Variants in SCRN1 observed in about 807,000 individuals in gnomAD.
SCRN1 encodes the protein secernin 1, also known as secernin-1.
SCRN1 carries 19 observed loss-of-function variants against 43.3 expected under a neutral mutation model. The ratio of observed to expected loss-of-function variants is 0.44; its 90% CI spans 0.31 to 0.64. The LOEUF is 0.64. SCRN1 is among the 30% of genes least tolerant of loss of function. The pLI, the probability that SCRN1 is intolerant of heterozygous loss-of-function variation, is 0.09. For synonymous variants in SCRN1, 183 were observed against 188.9 expected, an observed-to-expected ratio of 0.97 and a Z score of 0.26; for missense variants, 447 against 524.1, an observed-to-expected ratio of 0.85 and a Z score of 1.44.
At chr7:29,938,946 C>T (rs142491476) in intron 5 of SCRN1, among the ~76,000 whole-genome samples, 194 of 152,206 alleles carry the variant, frequency 1.3e-3, no homozygotes, top group African/African-American at 4.6e-3. Flanking sequence ...TATTAAACAG[C>T]GTATTTGTTC....
Position 29,966,159 on chromosome 7 carries a change from C to CAGAGAGAGAGAGAGAGAGAGAGAGAGAG in SCRN1, c.159+2722_159+2749dup, listed in dbSNP as rs58247318. Among the ~76,000 whole-genome samples, 17 of 84,456 alleles carry CAGAGAGAGAGAGAGAGAGAGAGAGAGAG rather than the reference C, an allele frequency of 2.0e-4. 1 individual carries two copies. The highest frequency in any genetic ancestry group is 7.0e-4 in the African/African-American group (14 of 20,042). 55.4% of individuals were successfully genotyped at this position (84,456 alleles called of 152,430 possible). ...AGACAGAGAGAGAGAGACCGAGAGA[C>CAGAGAGAGAGAGAGAGAGAGAGAGAGAG]AGAGAGAGAGAGAGAGAGAGAGAGA... On this transcript the variant is annotated intron_variant, in intron 2 of 7. Coordinates refer to ENST00000242059, the MANE Select transcript of SCRN1 (RefSeq NM_014766.5).
At chr7:29,924,755 G>GTCTC (rs146513752) in intron 7 of SCRN1, among the ~76,000 whole-genome samples, 2,479 of 152,230 alleles carry the variant, frequency 0.016, 63 homozygotes, top group African/African-American at 0.057. Context: ...CAGGTGCCAT[G>GTCTC]TCTCTCCCCT....
intron 1 of SCRN1, among the ~76,000 whole-genome samples, chr7:29,974,360 C>T (rs532781037): frequency 4.6e-5 from 7 of 152,170 alleles, no homozygotes; most frequent in African/African-American, 1.4e-4. Context: ...ACCTTTTTTA[C>T]ACCTGCCCAA....
intron 2 of SCRN1, among the ~76,000 whole-genome samples, chr7:29,959,136 G>A (rs1176617623): frequency 6.6e-6 from 1 of 152,142 alleles, no homozygotes; most frequent in Non-Finnish European, 1.5e-5. Context: ...CCAGTGAAAG[G>A]GGAAACAGAG....
intron 5 of SCRN1, among the ~76,000 whole-genome samples, chr7:29,939,061 G>T (rs1787442029): frequency 6.6e-6 from 1 of 151,180 alleles, no homozygotes; most frequent in South Asian, 2.1e-4. Context: ...CACCAAGCTA[G>T]TTTTTTTTTA....
chr7:29,986,092 G>A (rs575691629), intron 1 of SCRN1, among the ~76,000 whole-genome samples: 29 of 152,114 alleles, frequency 1.9e-4, no homozygotes, highest in Admixed American at 1.4e-3. Context: ...AAAGTTAGCC[G>A]GGCTGTGGTG....
At chr7:29,939,416 A>G (rs1787456425) in intron 5 of SCRN1, among the ~76,000 whole-genome samples, 1 of 152,088 alleles carries the variant, frequency 6.6e-6, no homozygotes, top group Non-Finnish European at 1.5e-5. Flanking sequence ...TTGCTAAGTT[A>G]CCCAGGCTGG....
At chr7:29,935,626 G>C (rs543170492) in intron 6 of SCRN1, among the ~76,000 whole-genome samples, 1 of 152,290 alleles carries the variant, frequency 6.6e-6, no homozygotes, top group East Asian at 1.9e-4. Flanking sequence ...CAAGGAATCT[G>C]TATTTTTTGA....
At chr7:29,949,691 T>C (rs569390754) in intron 3 of SCRN1, among the ~76,000 whole-genome samples, 255 of 151,492 alleles carry the variant, frequency 1.7e-3, no homozygotes, top group African/African-American at 5.9e-3. Context: ...TTTTCCTTCT[T>C]TCAGACAGGG....
At chr7:29,987,815 G>T (rs754940962) in intron 1 of SCRN1, among the ~76,000 whole-genome samples, 1 of 152,194 alleles carries the variant, frequency 6.6e-6, no homozygotes, top group African/African-American at 2.4e-5. Context: ...ACTGCCAGTT[G>T]ACAGCCAGAT....
At chr7:29,967,174 A>AACACACAC (rs142917231) in intron 2 of SCRN1, among the ~76,000 whole-genome samples, 15 of 148,368 alleles carry the variant, frequency 1.0e-4, no homozygotes, top group African/African-American at 3.7e-4. Context: ...CTACCATCTA[A>AACACACAC]ACACACACAC....
At chr7:29,980,505 C>T (rs1439930196) in intron 1 of SCRN1, among the ~76,000 whole-genome samples, 3 of 152,142 alleles carry the variant, frequency 2.0e-5, no homozygotes, top group Non-Finnish European at 2.9e-5. Flanking sequence ...TTGATATGTA[C>T]TTTGTTAACT....
intron 6 of SCRN1, among the ~76,000 whole-genome samples, chr7:29,927,390 G>T (rs1787003716): frequency 1.8e-5 from 2 of 108,650 alleles, no homozygotes; most frequent in African/African-American, 7.2e-5. Flanking sequence ...ACACACAAGA[G>T]CCACGCATAT....
At chr7:29,942,983 G>A (rs973914993) in intron 4 of SCRN1, among the ~76,000 whole-genome samples, 11 of 152,150 alleles carry the variant, frequency 7.2e-5, no homozygotes, top group African/African-American at 1.7e-4. Flanking sequence ...TAGATCTTCC[G>A]CTTCTAACTC....
chr7:29,951,271 C>T (rs2128092998), intron 3 of SCRN1, among the ~76,000 whole-genome samples: 1 of 152,380 alleles, frequency 6.6e-6, no homozygotes, highest in East Asian at 1.9e-4. Flanking sequence ...CCCGCCACAG[C>T]TGGCACACCT....
rs1032844728 is a variant in SCRN1 at position 29,987,060 on chromosome 7, C to T, written c.-2+2582G>A. ...TTCTAAATGGCACATGTCACATCAGCATCTGTCTTCACTTCGATATATATA... is the reference window on the plus strand; with the variant it reads ...TTCTAAATGGCACATGTCACATCAGTATCTGTCTTCACTTCGATATATATA... On this transcript the variant is annotated intron_variant, in intron 1 of 7. Transcript: ENST00000242059. 2.6e-5 allele frequency among the ~76,000 whole-genome samples: 4 copies of T among 151,698 alleles called. No homozygotes were observed. In the South Asian group the frequency reaches 6.2e-4, roughly 24 times the overall value.
chr7:29,940,880 C>G lies in SCRN1; in HGVS notation c.545-4G>C. The G allele has an allele frequency of 6.6e-7, 1 of 1,514,500 alleles. No individual in the cohort carries two copies. 93.8% of individuals were successfully genotyped at this position (1,514,500 alleles called of 1,614,324 possible). Reference sequence around the variant, plus strand: ...CTGCAAATGCACCTCACTCCCTCTGCAGAGAGTGCAAAGCCCCATAAGTTA... The same window carrying G: ...CTGCAAATGCACCTCACTCCCTCTGGAGAGAGTGCAAAGCCCCATAAGTTA... On this transcript the variant is annotated splice_polypyrimidine_tract_variant and splice_region_variant and intron_variant, in intron 4 of 7. Coordinates refer to ENST00000242059, the MANE Select transcript of SCRN1 (RefSeq NM_014766.5).
intron 3 of SCRN1, among the ~76,000 whole-genome samples, chr7:29,949,404 G>T (rs1787844933): frequency 6.8e-6 from 1 of 146,392 alleles, no homozygotes; most frequent in Non-Finnish European, 1.5e-5. Context: ...TTTGAGACAG[G>T]ATCTCGTTCT....
Position 29,924,022 on chromosome 7 carries a change from C to T in SCRN1, c.1180G>A (p.Asp394Asn). The change falls in exon 8 of 8, where the codon GAC becomes AAC. Residue 394 changes from aspartate to asparagine, a missense_variant. Transcript: ENST00000242059. ...AAAAGGTCCCCCACTTCCGCAGGGT[C>T]CAGTGGCTCGGAGCTGGTCAGGATT... ...EEILTSSEPL[D>N]PAEVGDLFYD... 1 of 1,614,172 alleles carries T rather than the reference C, an allele frequency of 6.2e-7. No homozygotes were observed. The highest frequency in any genetic ancestry group is 8.5e-7 in the Non-Finnish European group (1 of 1,180,022).
Sources: gnomAD v4.1 joint callset for allele counts (sites outside exome capture counted in the v4.1 genomes callset) on GRCh38, gnomAD v4.1.1 for gene constraint, MANE v1.5 for transcripts, NCBI Gene and HGNC (gene_info 2026-07-23, HGNC 2026-07-21) for gene names.